Variants in SLC9A9 observed in about 807,000 individuals in gnomAD.
SLC9A9 encodes the protein solute carrier family 9 member A9, also known as sodium/hydrogen exchanger 9.
A neutral mutation model predicts 77.8 loss-of-function variants in SLC9A9; 62 were observed. The ratio of observed to expected loss-of-function variants is 0.80; its 90% CI spans 0.65 to 0.98. The LOEUF (loss-of-function observed/expected upper bound fraction) is 0.98. Among genes scored for constraint, SLC9A9 ranks in the 50% least tolerant of loss-of-function variants. The probability of loss-of-function intolerance (pLI) is 0.00; values close to 1 mark genes in which losing one functional copy is unlikely to be tolerated. For missense variants in SLC9A9, 775 were observed against 774.9 expected (o/e 1.00, Z 0.00); for synonymous variants, 320 against 283.5 (o/e 1.13, Z -1.29).
chr3:143,771,304 A>G (rs912761507), intron 4 of SLC9A9, among the ~76,000 whole-genome samples: 4 of 152,056 alleles, frequency 2.6e-5, no homozygotes, highest in Non-Finnish European at 4.4e-5. Flanking sequence ...CTGAGTGCCA[A>G]CTCTTTAAGA....
In SLC9A9 at chr3:143,621,204, AC is replaced by A. The variant is rs1462064338; in HGVS notation, c.755+31050del. Reference sequence around the variant, plus strand: ...ACCTCTGGGGGCAGGGCATTGCCAAACAAAAGGCAGCAGAATCCTCTGCAGA... The same window carrying A: ...ACCTCTGGGGGCAGGGCATTGCCAAAAAAAGGCAGCAGAATCCTCTGCAGA... On this transcript the variant is annotated intron_variant, in intron 6 of 15. Transcript: ENST00000316549. 4.6e-5 allele frequency among the ~76,000 whole-genome samples: 7 copies of A among 152,336 alleles called. No homozygotes were observed. The South Asian group carries it at 1.2e-3, about 27-fold the overall frequency.
intron 4 of SLC9A9, among the ~76,000 whole-genome samples, chr3:143,761,952 C>T (rs1270879349): frequency 2.6e-5 from 4 of 152,138 alleles, no homozygotes; most frequent in Admixed American, 1.3e-4. Context: ...AAATGTCCAT[C>T]AATGATAGAC....
intron 1 of SLC9A9, among the ~76,000 whole-genome samples, chr3:143,838,955 C>T (rs1322343930): frequency 6.6e-6 from 1 of 152,160 alleles, no homozygotes; most frequent in Non-Finnish European, 1.5e-5. Context: ...ATAAAAGTCT[C>T]TTTTAGAACA....
chr3:143,769,685 T>A (rs1330647569), intron 4 of SLC9A9, among the ~76,000 whole-genome samples: 3 of 152,224 alleles, frequency 2.0e-5, no homozygotes, highest in Non-Finnish European at 4.4e-5. Flanking sequence ...CAGCAAGTTA[T>A]GCCCAATACT....
At chr3:143,805,845 C>A (rs1029056969) in intron 2 of SLC9A9, among the ~76,000 whole-genome samples, 2 of 152,110 alleles carry the variant, frequency 1.3e-5, no homozygotes, top group Non-Finnish European at 2.9e-5. Context: ...TCGGACTCAG[C>A]CCGCCTGCAC....
At chr3:143,351,006 ACTT>A (rs1186227192) in intron 14 of SLC9A9, among the ~76,000 whole-genome samples, 1 of 152,208 alleles carries the variant, frequency 6.6e-6, no homozygotes, top group African/African-American at 2.4e-5. Context: ...TCCCTGCTCA[ACTT>A]GCTGGGTACT....
chr3:143,576,770 TGA>T (rs1382418142), intron 7 of SLC9A9, among the ~76,000 whole-genome samples: 2 of 152,176 alleles, frequency 1.3e-5, no homozygotes, highest in Non-Finnish European at 2.9e-5. Flanking sequence ...GAAGGTTAGA[TGA>T]GACACTCATG....
At chr3:143,666,156 C>T (rs1432577182) in intron 5 of SLC9A9, among the ~76,000 whole-genome samples, 1 of 152,178 alleles carries the variant, frequency 6.6e-6, no homozygotes, top group Admixed American at 6.5e-5. Flanking sequence ...CAGCTTCATC[C>T]CTGGGATGCA....
chr3:143,625,130 G>A lies in SLC9A9; in HGVS notation c.755+27125C>T, dbSNP rs1466262876. Among the ~76,000 whole-genome samples the A allele has an allele frequency of 4.6e-5, 7 of 152,310 alleles. No individual in the cohort carries two copies. In the East Asian group the frequency reaches 1.2e-3, roughly 25 times the overall value. Reference sequence around the variant, plus strand: ...AAATAAAAGAAGACACAAACAAATGGAAGAACATTCCATGCTCATGTGTAG... The same window carrying A: ...AAATAAAAGAAGACACAAACAAATGAAAGAACATTCCATGCTCATGTGTAG... On this transcript the variant is annotated intron_variant, in intron 6 of 15. Transcript: ENST00000316549.
At chr3:143,841,394 T>C (rs1040423821) in intron 1 of SLC9A9, among the ~76,000 whole-genome samples, 2 of 152,202 alleles carry the variant, frequency 1.3e-5, no homozygotes, top group Non-Finnish European at 2.9e-5. Context: ...TGCGTTAATA[T>C]ATGTAAAGTG....
intron 14 of SLC9A9, among the ~76,000 whole-genome samples, chr3:143,308,241 A>C (rs1331183728): frequency 6.6e-6 from 1 of 152,160 alleles, no homozygotes; most frequent in Non-Finnish European, 1.5e-5. Context: ...CATAATTTAT[A>C]GGGGTCAGTG....
chr3:143,431,547 A>T lies in SLC9A9; in HGVS notation c.1469+35490T>A, dbSNP rs2034516612. 2.0e-5 allele frequency among the ~76,000 whole-genome samples: 3 copies of T among 150,348 alleles called. 1 individual carries two copies. In the South Asian group the frequency reaches 6.3e-4, roughly 32 times the overall value. On this transcript the variant is annotated intron_variant, in intron 12 of 15. Transcript: ENST00000316549. The stretch of plus-strand genomic sequence containing the variant: ...ACCCAGGCTGGAGTACAGTGGTGCA[A>T]TCTTGGCTCCCTGCAAGCTCCGCCT...
At chr3:143,484,641 AT>A (rs1219808891) in intron 11 of SLC9A9, among the ~76,000 whole-genome samples, 1 of 141,548 alleles carries the variant, frequency 7.1e-6, no homozygotes, top group Non-Finnish European at 1.6e-5. Context: ...TCAGGTTTGC[AT>A]GAGGGACATG....
chr3:143,343,690 T>G (rs1393114351), intron 14 of SLC9A9: 1 of 152,226 alleles, frequency 6.6e-6, no homozygotes, highest in African/African-American at 2.4e-5. Context: ...ACTTTTAGTC[T>G]GCTATTCATA....
At chr3:143,348,342 T>A (rs1321175675) in intron 14 of SLC9A9, among the ~76,000 whole-genome samples, 1 of 152,242 alleles carries the variant, frequency 6.6e-6, no homozygotes, top group Non-Finnish European at 1.5e-5. Context: ...TTATTCCATT[T>A]ATTTCTTTCA....
intron 4 of SLC9A9, among the ~76,000 whole-genome samples, chr3:143,743,213 G>A (rs868343322): frequency 1.7e-4 from 18 of 104,938 alleles, no homozygotes; most frequent in Admixed American, 4.0e-4. Flanking sequence ...ATAGATGGAT[G>A]GATGGATGGA....
At chr3:143,277,508 A>G (rs1938086517) in intron 14 of SLC9A9, among the ~76,000 whole-genome samples, 1 of 152,182 alleles carries the variant, frequency 6.6e-6, no homozygotes, top group South Asian at 2.1e-4. Context: ...TGGTAACAAT[A>G]TAAATTTTAC....
chr3:143,309,586 T>C (rs946049459), intron 14 of SLC9A9, among the ~76,000 whole-genome samples: 3 of 152,178 alleles, frequency 2.0e-5, no homozygotes, highest in Non-Finnish European at 2.9e-5. Flanking sequence ...GAGTGTAGGA[T>C]TTCCAGACCC....
intron 4 of SLC9A9, among the ~76,000 whole-genome samples, chr3:143,730,187 C>T (rs145078113): frequency 6.6e-6 from 1 of 152,104 alleles, no homozygotes; most frequent in Non-Finnish European, 1.5e-5. Flanking sequence ...GGGAGTGTGC[C>T]CACTTGTTGG....
Sources: gnomAD v4.1 joint callset for allele counts (sites outside exome capture counted in the v4.1 genomes callset) on GRCh38, gnomAD v4.1.1 for gene constraint, MANE v1.5 for transcripts, NCBI Gene and HGNC (gene_info 2026-07-23, HGNC 2026-07-21) for gene names.